The following SNX29 variants were observed in gnomAD, a reference collection of about 807,000 sequenced individuals.
SNX29 encodes sorting nexin-29.
SNX29 carries 78 observed loss-of-function variants against 102.1 expected under a neutral mutation model. That is an observed-to-expected ratio of 0.76 (90% CI 0.64 to 0.92). SNX29 has a LOEUF of 0.92. SNX29 is among the 40% of genes least tolerant of loss of function. The pLI, the probability that SNX29 is intolerant of heterozygous loss-of-function variation, is 0.00. For synonymous variants in SNX29, 580 were observed against 414.5 expected, an observed-to-expected ratio of 1.40 and a Z score of -4.85; for missense variants, 1,280 against 1,061.7, an observed-to-expected ratio of 1.21 and a Z score of -2.86.
intron 18 of SNX29, among the ~76,000 whole-genome samples, chr16:12,436,651 T>C (rs970458237): frequency 6.6e-5 from 10 of 152,182 alleles, no homozygotes; most frequent in African/African-American, 2.2e-4. Context: ...TTTAGGCACT[T>C]TCTGACCGGG....
At chr16:12,432,978 A>T (rs970393665) in intron 18 of SNX29, among the ~76,000 whole-genome samples, 4 of 152,176 alleles carry the variant, frequency 2.6e-5, no homozygotes, top group Non-Finnish European at 5.9e-5. Flanking sequence ...GGGCCATGGC[A>T]TGGGGGTGAG....
chr16:12,411,484 C>T (rs1323280663), intron 18 of SNX29, among the ~76,000 whole-genome samples: 4 of 152,254 alleles, frequency 2.6e-5, no homozygotes, highest in Non-Finnish European at 5.9e-5. Context: ...GCAAAATGCT[C>T]TCCCCTTCCT....
intron 20 of SNX29, among the ~76,000 whole-genome samples, chr16:12,565,302 CCATT>C (rs1165660479): frequency 1.3e-5 from 2 of 152,236 alleles, no homozygotes; most frequent in African/African-American, 4.8e-5. Context: ...CCAGCACTCT[CCATT>C]CAAGTCCACT....
chr16:12,366,599 A>T (rs2082491151), intron 16 of SNX29, among the ~76,000 whole-genome samples: 1 of 152,166 alleles, frequency 6.6e-6, no homozygotes, highest in Admixed American at 6.5e-5. Flanking sequence ...CCCACTCACC[A>T]GCCTGGTCAG....
At position 12,397,231 on chromosome 16, in the gene SNX29, A is replaced by C. The variant is rs1028142845; in HGVS notation, c.1900-1215A>C. Among the ~76,000 whole-genome samples the C allele has an allele frequency of 9.2e-5, 14 of 152,218 alleles. No homozygotes were observed. The South Asian group carries it at 2.7e-3, about 29-fold the overall frequency. ...TAAGGAGAGCCTTCTAATGTGTCCT[A>C]ACCTTCAAGTTTCTTCATTTCTTCT... On this transcript the variant is annotated intron_variant, in intron 16 of 20. Transcript: ENST00000566228.
At chr16:12,336,388 C>A (rs1388750309) in intron 15 of SNX29, among the ~76,000 whole-genome samples, 2 of 152,212 alleles carry the variant, frequency 1.3e-5, no homozygotes, top group African/African-American at 2.4e-5. Context: ...GAAACTGTGT[C>A]CCTGCTGCCC....
intron 15 of SNX29, among the ~76,000 whole-genome samples, chr16:12,279,942 C>G (rs2079379395): frequency 1.3e-5 from 2 of 152,166 alleles, no homozygotes; most frequent in African/African-American, 2.4e-5. Flanking sequence ...AGTGAGGGTG[C>G]CTACTTCGCA....
chr16:12,221,856 C>T (rs961792357), intron 14 of SNX29, among the ~76,000 whole-genome samples: 5 of 152,156 alleles, frequency 3.3e-5, no homozygotes, highest in Non-Finnish European at 7.3e-5. Flanking sequence ...TCCCGTGCTT[C>T]CTTGGGTGCA....
chr16:12,536,972 C>T (rs184582703), intron 20 of SNX29, among the ~76,000 whole-genome samples: 1 of 149,814 alleles, frequency 6.7e-6, no homozygotes, highest in Non-Finnish European at 1.5e-5. Context: ...TGAGAGAGAA[C>T]CCGTCTTAAA....
At chr16:11,989,171 C>T (rs1341614705) in intron 1 of SNX29, among the ~76,000 whole-genome samples, 1 of 152,132 alleles carries the variant, frequency 6.6e-6, no homozygotes, top group Non-Finnish European at 1.5e-5. Flanking sequence ...CGGGGTTTCA[C>T]CATGTTGTTC....
chr16:12,157,393 G>A (rs1176781580), intron 13 of SNX29, among the ~76,000 whole-genome samples: 1 of 152,112 alleles, frequency 6.6e-6, no homozygotes, highest in African/African-American at 2.4e-5. Context: ...AGGGCGAGAG[G>A]TGAGCCGAGG....
At chr16:12,433,377 G>A (rs1465219747) in intron 18 of SNX29, among the ~76,000 whole-genome samples, 2 of 152,058 alleles carry the variant, frequency 1.3e-5, no homozygotes, top group Non-Finnish European at 2.9e-5. Flanking sequence ...ACACTTGTCA[G>A]CCCAGCACTT....
At chr16:12,113,248 G>A (rs1018007708) in intron 11 of SNX29, among the ~76,000 whole-genome samples, 3 of 152,142 alleles carry the variant, frequency 2.0e-5, no homozygotes, top group African/African-American at 7.2e-5. Flanking sequence ...AATTTGGGAG[G>A]TTGTCAGGAG....
At chr16:12,087,814 G>A (rs1238796963) in intron 11 of SNX29, 4 of 456,404 alleles carry the variant, frequency 8.8e-6, no homozygotes, top group South Asian at 1.5e-5. Context: ...ATATCCAGCT[G>A]TATCCTCTTT....
chr16:12,094,845 C>T (rs1436069215), intron 11 of SNX29, among the ~76,000 whole-genome samples: 3 of 152,008 alleles, frequency 2.0e-5, no homozygotes, highest in East Asian at 1.9e-4. Context: ...TTCCAGGAAC[C>T]GTATTTTGTC....
At chr16:12,538,323 T>C (rs905194640) in intron 20 of SNX29, among the ~76,000 whole-genome samples, 1 of 152,178 alleles carries the variant, frequency 6.6e-6, no homozygotes, top group African/African-American at 2.4e-5. Context: ...GGTTTCACCA[T>C]GTTAGCCAGG....
At position 12,571,033 on chromosome 16, in the gene SNX29, TCTC is replaced by T. The variant is rs1199400047; in HGVS notation, c.*2408_*2410del. ...CGAGTCATCTCGCAGATCCAGACCATCTCCTCTCATTCTCACTCTAAAAATGCT... is the reference window on the plus strand; with the variant it reads ...CGAGTCATCTCGCAGATCCAGACCATCTCTCATTCTCACTCTAAAAATGCT... On this transcript the variant is annotated 3_prime_UTR_variant, in exon 21 of 21. Coordinates refer to ENST00000566228, the MANE Select transcript of SNX29 (RefSeq NM_032167.5). The T allele has an allele frequency of 1.3e-5, 3 of 232,424 alleles. No individual in the cohort carries two copies. Among genetic ancestry groups the T allele is most frequent in the Admixed American group, 5.6e-5 (1 of 17,764 alleles). 14.4% of individuals were successfully genotyped at this position (232,424 alleles called of 1,614,324 possible).
intron 20 of SNX29, among the ~76,000 whole-genome samples, chr16:12,565,276 C>T (rs1455746939): frequency 6.6e-6 from 1 of 152,202 alleles, no homozygotes; most frequent in South Asian, 2.1e-4. Context: ...TTCAGCCTCA[C>T]ATACGCCAGC....
chr16:12,242,758 A>G (rs1199453903), intron 14 of SNX29, among the ~76,000 whole-genome samples: 3 of 151,686 alleles, frequency 2.0e-5, no homozygotes, highest in Admixed American at 6.6e-5. Context: ...GGCTCCAGCA[A>G]TCCTCCCACC....
Sources: allele counts gnomAD v4.1 joint callset (sites outside exome capture counted in the v4.1 genomes callset), GRCh38; gene constraint gnomAD v4.1.1; transcripts MANE v1.5; gene names NCBI Gene and HGNC (gene_info 2026-07-23, HGNC 2026-07-21).